TMEM201: variants seen among roughly 807,000 people sequenced by gnomAD.
The protein encoded by TMEM201 is transmembrane protein 201.
In TMEM201, 26 loss-of-function variants were observed where a neutral mutation model predicts 63.4. The observed-to-expected ratio is 0.41, with a 90% CI of 0.30 to 0.57. The LOEUF (loss-of-function observed/expected upper bound fraction) is 0.57, where lower values mean the gene tolerates loss of function less well. TMEM201 is among the 20% of genes least tolerant of loss of function. The pLI, the probability that TMEM201 is intolerant of heterozygous loss-of-function variation, is 0.29. For missense variants in TMEM201, 794 were observed against 917.7 expected, an observed-to-expected ratio of 0.87 and a Z score of 1.74; for synonymous variants, 417 against 421.6, an observed-to-expected ratio of 0.99 and a Z score of 0.14.
Position 9,610,224 on chromosome 1 carries a change from C to T in TMEM201, c.1466-282C>T, listed in dbSNP as rs566771946. The stretch of plus-strand genomic sequence containing the variant: ...GGCCTTGTACCTCCAGGGTTTGCTG[C>T]TATCTGGCCTTGCTCTCAGCTGATG... On this transcript the variant is annotated intron_variant, in intron 8 of 10. Coordinates refer to ENST00000340381, the MANE Select transcript of TMEM201 (RefSeq NM_001130924.3). The surrounding 1 kb of genome is among the most constrained non-coding windows in gnomAD (Gnocchi z 4.9). 7.2e-5 allele frequency among the ~76,000 whole-genome samples: 11 copies of T among 152,310 alleles called. No homozygotes were observed. The highest frequency in any genetic ancestry group is 3.9e-4 in the Admixed American group (6 of 15,308).
chr1:9,598,424 C>T (rs951989917), intron 3 of TMEM201, 25 bp from the exon 4 acceptor site: 13 of 1,599,410 alleles, frequency 8.1e-6, no homozygotes, highest in African/African-American at 1.3e-5. Flanking sequence ...CTGCAGATGC[C>T]GAGCCTGTTC....
rs181375785 is a variant in TMEM201 at position 9,613,934 on chromosome 1, C to G, written c.*851C>G. ...CGACCACCCTACTGGGCACCTGCCT[C>G]CAGCCCCTGAGAACTCCATCTTCCC... On this transcript the variant is annotated 3_prime_UTR_variant, in exon 11 of 11. Coordinates refer to ENST00000340381, the MANE Select transcript of TMEM201 (RefSeq NM_001130924.3). The G allele has an allele frequency of 1.3e-5, 2 of 152,488 alleles. No individual in the cohort carries two copies. The highest frequency in any genetic ancestry group is 1.3e-4 in the Admixed American group (2 of 15,310). 9.4% of individuals were successfully genotyped at this position (152,488 alleles called of 1,614,324 possible). A position where few individuals can be genotyped will look rare whatever the true frequency, so the allele number is the denominator to read the frequency against.
rs201643205 is a variant in TMEM201 at position 9,592,197 on chromosome 1, C to CCCCT, written c.113+3155_113+3156insCCTC. Reference sequence around the variant, plus strand: ...ATTTTGATGCTTCTGTCGCTGAAGCCCAGGAGGCCTCTTCTCTGGTCCTTC... The same window carrying CCCCT: ...ATTTTGATGCTTCTGTCGCTGAAGCCCCCTCAGGAGGCCTCTTCTCTGGTCCTTC... On this transcript the variant is annotated intron_variant, in intron 1 of 10. Transcript: ENST00000340381. 9.9e-3 allele frequency among the ~76,000 whole-genome samples: 1,507 copies of CCCCT among 152,316 alleles called. 24 individuals are homozygous for CCCCT. Among genetic ancestry groups the CCCCT allele is most frequent in the African/African-American group, 0.034 (1,414 of 41,566 alleles).
Position 9,603,178 on chromosome 1 carries a change from T to TC in TMEM201, c.1160+907dup, listed in dbSNP as rs1286695413. On this transcript the variant is annotated intron_variant, in intron 6 of 10. Transcript: ENST00000340381. The surrounding 1 kb of genome is among the most constrained non-coding windows in gnomAD (Gnocchi z 4.5). Reference sequence around the variant, plus strand: ...CCTGCTCACCATGGCCCAGCGCCACTCTGTCCTCCGACTCAGGTGAGGGGG... The same window carrying TC: ...CCTGCTCACCATGGCCCAGCGCCACTCCTGTCCTCCGACTCAGGTGAGGGGG... 5 of 985,546 alleles carry TC rather than the reference T, an allele frequency of 5.1e-6. No individual in the cohort carries two copies. The South Asian group carries it at 1.4e-4, about 28-fold the overall frequency. The allele number at this position is 985,546 out of a possible 1,614,324, so 61.1% of individuals were successfully genotyped here.
In TMEM201 at chr1:9,607,491, T is replaced by C. The variant is rs1418120677; in HGVS notation, c.1161-66T>C. ...ACTGTGGGAGAGGGGTGGGACCCAC[T>C]GCAAGGCTGCCTCCAGGACCTCCCG... On this transcript the variant is annotated intron_variant, in intron 6 of 10. Transcript: ENST00000340381. This position sits in a 1 kb window ranked among gnomAD's most constrained non-coding sequence, Gnocchi z 5.4. 1.0e-5 allele frequency: 14 copies of C among 1,336,776 alleles called. No homozygotes were observed. In the East Asian group the frequency reaches 3.5e-4, roughly 34 times the overall value. 82.8% of individuals were successfully genotyped at this position (1,336,776 alleles called of 1,614,324 possible). A position where few individuals can be genotyped will look rare whatever the true frequency, so the allele number is the denominator to read the frequency against.
chr1:9,594,523 C>T (rs116542434), intron 1 of TMEM201, among the ~76,000 whole-genome samples: 4,620 of 152,322 alleles, frequency 0.03, 209 homozygotes, highest in African/African-American at 0.089. Context: ...GTGCGTCCCA[C>T]GAGCAGTCCC....
At position 9,613,953 on chromosome 1, in the gene TMEM201, T is replaced by G. The variant is rs1644358757; in HGVS notation, c.*870T>G. The G allele has an allele frequency of 6.6e-6, 1 of 152,320 alleles. No individual in the cohort carries two copies. The highest frequency in any genetic ancestry group is 2.1e-4 in the South Asian group (1 of 4,824). The allele number at this position is 152,320 out of a possible 1,614,324, so 9.4% of individuals were successfully genotyped here. A position where few individuals can be genotyped will look rare whatever the true frequency, so the allele number is the denominator to read the frequency against. ...CTGCCTCCAGCCCCTGAGAACTCCATCTTCCCCTAGTTCTGCCCAGGAGCC... is the reference window on the plus strand; with the variant it reads ...CTGCCTCCAGCCCCTGAGAACTCCAGCTTCCCCTAGTTCTGCCCAGGAGCC... On this transcript the variant is annotated 3_prime_UTR_variant, in exon 11 of 11. Coordinates refer to ENST00000340381, the MANE Select transcript of TMEM201 (RefSeq NM_001130924.3).
chr1:9,602,608 G>A, intron 6 of TMEM201: 4 of 1,220,126 alleles, frequency 3.3e-6, no homozygotes, highest in Non-Finnish European at 4.1e-6. Context: ...CTTCCTACTG[G>A]CAGCTCCAGG....
intron 4 of TMEM201, among the ~76,000 whole-genome samples, chr1:9,599,099 C>T (rs1188198323): frequency 1.3e-5 from 2 of 151,392 alleles, no homozygotes; most frequent in East Asian, 2.0e-4. Context: ...CGCCATCATG[C>T]CCAGTTAATT....
At position 9,597,023 on chromosome 1, in the gene TMEM201, G is replaced by A. The variant is rs761642885; in HGVS notation, c.399G>A (p.Lys133=). 165 of 1,609,280 alleles carry A rather than the reference G, an allele frequency of 1.0e-4. No homozygotes were observed. Among genetic ancestry groups the A allele is most frequent in the Non-Finnish European group, 1.3e-4 (157 of 1,176,948 alleles). The change falls in exon 3 of 11, where the codon AAG becomes AAA. Residue 133 remains lysine, a synonymous_variant. Coordinates refer to ENST00000340381, the MANE Select transcript of TMEM201 (RefSeq NM_001130924.3). The stretch of plus-strand genomic sequence containing the variant: ...ACCACCACCAGACCACCAAGATCAA[G>A]CAGCTGGCCGCCTTCGCTCCCCGCG... The part of the protein sequence containing the change: ...RCNHHQTTKI[K]QLAAFAPREE...
chr1:9,590,034 C>T (rs1287721447), intron 1 of TMEM201, among the ~76,000 whole-genome samples: 1 of 152,078 alleles, frequency 6.6e-6, no homozygotes, highest in Non-Finnish European at 1.5e-5. Flanking sequence ...AGGGGGGAAA[C>T]GGGGAAAAAG....
chr1:9,596,906 G>T lies in TMEM201; in HGVS notation c.282G>T (p.Leu94=). The change falls in exon 3 of 11, where the codon CTG becomes CTT. Residue 94 remains leucine (L), a synonymous_variant. Coordinates refer to ENST00000340381, the MANE Select transcript of TMEM201 (RefSeq NM_001130924.3). The part of the protein sequence containing the change: ...KPIPAQYLEH[L]NHVVSSAPSL... ...TCCCCGCCCAGTACTTGGAGCACCTGAACCACGTGGTGAGCAGCGCGCCCA... is the reference window on the plus strand; with the variant it reads ...TCCCCGCCCAGTACTTGGAGCACCTTAACCACGTGGTGAGCAGCGCGCCCA... 6.2e-7 allele frequency: 1 copy of T among 1,610,020 alleles called. No individual in the cohort carries two copies. Among genetic ancestry groups the T allele is most frequent in the Non-Finnish European group, 8.5e-7 (1 of 1,177,392 alleles).
At chr1:9,589,212 G>A (rs866492601) in intron 1 of TMEM201, among the ~76,000 whole-genome samples, 169 bp downstream of exon 1, 66 of 151,124 alleles carry the variant, frequency 4.4e-4, no homozygotes, top group Admixed American at 1.6e-3. Flanking sequence ...ACTGCAGTCG[G>A]GAAGCGGCTG....
At position 9,604,701 on chromosome 1, in the gene TMEM201, C is replaced by T. The variant is rs940569357; in HGVS notation, c.1160+2429C>T. On this transcript the variant is annotated intron_variant, in intron 6 of 10. Transcript: ENST00000340381. The surrounding 1 kb of genome is among the most constrained non-coding windows in gnomAD (Gnocchi z 4.1). Reference sequence around the variant, plus strand: ...GGTCCCCACCCAGGCCAAGCCGGCCCCCCGTACCCCTTGCCTGGGAGCAAA... The same window carrying T: ...GGTCCCCACCCAGGCCAAGCCGGCCTCCCGTACCCCTTGCCTGGGAGCAAA... The T allele has an allele frequency of 1.0e-6, 1 of 985,970 alleles. No homozygotes were observed. Among genetic ancestry groups the T allele is most frequent in the Non-Finnish European group, 1.2e-6 (1 of 830,042 alleles). 61.1% of individuals were successfully genotyped at this position (985,970 alleles called of 1,614,324 possible).
chr1:9,611,285 C>T (rs964990703), intron 9 of TMEM201, among the ~76,000 whole-genome samples: 6 of 151,982 alleles, frequency 3.9e-5, no homozygotes, highest in African/African-American at 1.5e-4. Flanking sequence ...GCAACCTCCT[C>T]CTCCAGGGTT....
intron 5 of TMEM201, 96 bp from the exon 6 acceptor site, chr1:9,601,973 G>T: frequency 5.6e-6 from 8 of 1,428,264 alleles, no homozygotes; most frequent in Non-Finnish European, 7.5e-6. Flanking sequence ...GGACTCTTCT[G>T]AGCAGGGCCA....
chr1:9,597,007 A>G lies in TMEM201; in HGVS notation c.383A>G (p.Gln128Arg). 1 of 1,611,654 alleles carries G rather than the reference A, an allele frequency of 6.2e-7. No individual in the cohort carries two copies. Among genetic ancestry groups the G allele is most frequent in the Non-Finnish European group, 8.5e-7 (1 of 1,178,678 alleles). The change falls in exon 3 of 11, where the codon CAG (glutamine) becomes CGG (arginine). Residue 128 changes from glutamine to arginine, a missense_variant. Transcript: ENST00000340381. ...CTGTGCAAGAGGTGCAACCACCACC[A>G]GACCACCAAGATCAAGCAGCTGGCC... ...VLLCKRCNHH[Q>R]TTKIKQLAAF...
At position 9,607,825 on chromosome 1, in the gene TMEM201, C is replaced by A. The variant is rs1271432801; in HGVS notation, c.1393+36C>A. 1 of 1,536,894 alleles carries A rather than the reference C, an allele frequency of 6.5e-7. No individual in the cohort carries two copies. The highest frequency in any genetic ancestry group is 8.8e-7 in the Non-Finnish European group (1 of 1,136,358). Reference sequence around the variant, plus strand: ...CCCAGGCATTGGCAGACAGTCAGGGCTAGGGGCAGCTGGGACAGAACTGTG... The same window carrying A: ...CCCAGGCATTGGCAGACAGTCAGGGATAGGGGCAGCTGGGACAGAACTGTG... On this transcript the variant is annotated intron_variant, in intron 7 of 10. Coordinates refer to ENST00000340381, the MANE Select transcript of TMEM201 (RefSeq NM_001130924.3). The surrounding 1 kb of genome is among the most constrained non-coding windows in gnomAD (Gnocchi z 5.4).
chr1:9,597,474 T>A lies in TMEM201; in HGVS notation c.429+421T>A, dbSNP rs149918415. ...TTGCCTGCTGGTGGCCCCGGCAGTC[T>A]GCTGTGGGGTTGGTGGAGGATGCCA... On this transcript the variant is annotated intron_variant, in intron 3 of 10. Coordinates refer to ENST00000340381, the MANE Select transcript of TMEM201 (RefSeq NM_001130924.3). Among the ~76,000 whole-genome samples, 1,331 of 152,260 alleles carry A rather than the reference T, an allele frequency of 8.7e-3. 70 individuals are homozygous for A. The highest frequency in any genetic ancestry group is 0.066 in the Admixed American group (1,007 of 15,296).
Sources: gnomAD v4.1 joint callset for allele counts (sites outside exome capture counted in the v4.1 genomes callset) on GRCh38, gnomAD v4.1.1 for gene constraint, Gnocchi (gnomAD v3.1) non-coding constraint, MANE v1.5 for transcripts, NCBI Gene and HGNC (gene_info 2026-07-23, HGNC 2026-07-21) for gene names.